The following IFFO2 variants were observed in gnomAD, a reference collection of about 807,000 sequenced individuals.
The protein encoded by IFFO2 is intermediate filament family orphan 2.
In IFFO2, 19 loss-of-function variants were observed where a neutral mutation model predicts 53.5. The ratio of observed to expected loss-of-function variants is 0.36; its 90% CI spans 0.25 to 0.52. The LOEUF (loss-of-function observed/expected upper bound fraction) is 0.52. Ranked by LOEUF, IFFO2 falls within the 20% of genes least tolerant of loss-of-function variation. IFFO2 has a pLI of 0.94. For synonymous variants in IFFO2, 303 were observed against 313.6 expected, an observed-to-expected ratio of 0.97 and a Z score of 0.36; for missense variants, 570 against 727.4, an observed-to-expected ratio of 0.78 and a Z score of 2.49.
chr1:18,910,781 T>C (rs2024725), intron 7 of IFFO2, among the ~76,000 whole-genome samples: 10,201 of 152,316 alleles, frequency 0.067, 556 homozygotes, highest in African/African-American at 0.13. Flanking sequence ...TATCCAGACC[T>C]GATTACAAAA....
At chr1:18,950,004 G>C (rs1321452357) in intron 1 of IFFO2, among the ~76,000 whole-genome samples, 1 of 152,172 alleles carries the variant, frequency 6.6e-6, no homozygotes, top group African/African-American at 2.4e-5. Flanking sequence ...TCCCAAATTT[G>C]TCCCCAGTGA....
rs1231304461 is a variant in IFFO2 at position 18,917,455 on chromosome 1, T to C, written c.964-413A>G. Among the ~76,000 whole-genome samples the C allele has an allele frequency of 1.3e-5, 2 of 152,074 alleles. No individual in the cohort carries two copies. The highest frequency in any genetic ancestry group is 1.5e-5 in the Non-Finnish European group (1 of 68,006). On this transcript the variant is annotated intron_variant, in intron 4 of 8. Transcript: ENST00000455833. The surrounding 1 kb of genome is among the most constrained non-coding windows in gnomAD (Gnocchi z 5.9). ...GCTGACCAGAGCCCTCCTGCTCACA[T>C]GCAAAGGCAAAGGACAGACGGCCCA...
rs961157651 is a variant in IFFO2, at chr1:18,910,272, C to A, written c.1448+70G>T. On this transcript the variant is annotated intron_variant, in intron 8 of 8. Coordinates refer to ENST00000455833, the MANE Select transcript of IFFO2 (RefSeq NM_001136265.2). ...ACAGGTTGGGAGCATGACACATGGC[C>A]GAGTTGCAGCCTTGGGAATTCCCCT... The A allele has an allele frequency of 5.2e-6, 8 of 1,528,738 alleles. No individual in the cohort carries two copies. The African/African-American group carries it at 9.6e-5, about 18-fold the overall frequency. 94.7% of individuals were successfully genotyped at this position (1,528,738 alleles called of 1,614,324 possible).
intron 5 of IFFO2, 149 bp from the exon 6 acceptor site, chr1:18,912,232 C>T (rs906067649): frequency 1.4e-5 from 12 of 832,972 alleles, no homozygotes; most frequent in East Asian, 1.1e-4. Flanking sequence ...AGGGGACATT[C>T]GCCTTATCCA....
intron 1 of IFFO2, among the ~76,000 whole-genome samples, chr1:18,944,623 C>T (rs920022885): frequency 6.6e-6 from 1 of 152,226 alleles, no homozygotes; most frequent in Admixed American, 6.5e-5. Context: ...GGGCCCGCCA[C>T]AGGCAGGGCA....
intron 2 of IFFO2, among the ~76,000 whole-genome samples, chr1:18,920,805 C>T (rs1936205659): frequency 6.6e-6 from 1 of 152,218 alleles, no homozygotes; most frequent in African/African-American, 2.4e-5. Flanking sequence ...GGGACTTGCA[C>T]CCCGGGACCT....
chr1:18,932,818 C>T (rs919760685), intron 1 of IFFO2, among the ~76,000 whole-genome samples: 1 of 152,150 alleles, frequency 6.6e-6, no homozygotes, highest in African/African-American at 2.4e-5. Flanking sequence ...CAATGCTCGG[C>T]AACACACCGA....
intron 8 of IFFO2, among the ~76,000 whole-genome samples, chr1:18,909,343 G>A (rs1022563114): frequency 2.0e-5 from 3 of 152,206 alleles, no homozygotes; most frequent in Non-Finnish European, 2.9e-5. Flanking sequence ...GCTGTCCCCC[G>A]ATAAGGCTGT....
In IFFO2 at chr1:18,956,240, GCCGCCGCCCCCGCCAGGGCAGCCC is replaced by G. The variant is rs1450175034; in HGVS notation, c.69_92del (p.Cys25_Gly32del). On this transcript the variant is annotated inframe_deletion, in exon 1 of 9. Transcript: ENST00000455833. This position sits in a 1 kb window ranked among gnomAD's most constrained non-coding sequence, Gnocchi z 6.4. ...ACGGACCCGGCCCTGCCCCGCCGCCGCCGCCGCCCCCGCCAGGGCAGCCCCCGCCGCCGCCGCCCGGCGGGCAGC... is the reference window on the plus strand; with the variant it reads ...ACGGACCCGGCCCTGCCCCGCCGCCGCCGCCGCCGCCGCCCGGCGGGCAGC... 8.3e-7 allele frequency: 1 copy of G among 1,200,024 alleles called. No homozygotes were observed. 74.3% of individuals were successfully genotyped at this position (1,200,024 alleles called of 1,614,324 possible). A position where few individuals can be genotyped will look rare whatever the true frequency, so the allele number is the denominator to read the frequency against.
chr1:18,940,609 A>C lies in IFFO2; in HGVS notation c.665+15059T>G, dbSNP rs564228827. 1.1e-4 allele frequency among the ~76,000 whole-genome samples: 17 copies of C among 151,996 alleles called. No individual in the cohort carries two copies. In the East Asian group the frequency reaches 1.9e-3, roughly 17 times the overall value. ...GATGGATGGATGGATGGATGGATGG[A>C]CAGACGGACGGACAGACGGATGGAA... On this transcript the variant is annotated intron_variant, in intron 1 of 8. Coordinates refer to ENST00000455833, the MANE Select transcript of IFFO2 (RefSeq NM_001136265.2).
In IFFO2 at chr1:18,916,873, G is replaced by C; in HGVS notation, c.1103+30C>G. On this transcript the variant is annotated intron_variant, in intron 5 of 8. Coordinates refer to ENST00000455833, the MANE Select transcript of IFFO2 (RefSeq NM_001136265.2). The surrounding 1 kb of genome is among the most constrained non-coding windows in gnomAD (Gnocchi z 4.3). The stretch of plus-strand genomic sequence containing the variant: ...CCCTGTGCAAGCAATCCGGGGAAAC[G>C]GAGAGTGTGCGGGCCACGGGGATAC... 2 of 1,550,462 alleles carry C rather than the reference G, an allele frequency of 1.3e-6. No individual in the cohort carries two copies. The highest frequency in any genetic ancestry group is 1.7e-6 in the Non-Finnish European group (2 of 1,146,040).
In IFFO2 at chr1:18,906,800, C is replaced by T. The variant is rs1052201782; in HGVS notation, c.*1761G>A. On this transcript the variant is annotated 3_prime_UTR_variant, in exon 9 of 9. Transcript: ENST00000455833. Reference sequence around the variant, plus strand: ...CACAGCCAGACTGCCACAGGGGACCCGTGGGAGGTGCCCCCAGCAAAAGAA... The same window carrying T: ...CACAGCCAGACTGCCACAGGGGACCTGTGGGAGGTGCCCCCAGCAAAAGAA... 2 of 152,120 alleles carry T rather than the reference C, an allele frequency of 1.3e-5. No individual in the cohort carries two copies. Among genetic ancestry groups the T allele is most frequent in the Non-Finnish European group, 2.9e-5 (2 of 68,008 alleles). The allele number at this position is 152,120 out of a possible 1,614,324, so 9.4% of individuals were successfully genotyped here. A position where few individuals can be genotyped will look rare whatever the true frequency, so the allele number is the denominator to read the frequency against.
rs1185139339 is a variant in IFFO2 at position 18,905,942 on chromosome 1, C to T, written c.*2619G>A. On this transcript the variant is annotated 3_prime_UTR_variant, in exon 9 of 9. Coordinates refer to ENST00000455833, the MANE Select transcript of IFFO2 (RefSeq NM_001136265.2). ...CAAAGGATGGACCAATTCGTCCCAG[C>T]TAGGACTGGTGCTGCCCCAGCGAGC... The T allele has an allele frequency of 6.6e-6, 1 of 152,272 alleles. No individual in the cohort carries two copies. The highest frequency in any genetic ancestry group is 1.9e-4 in the East Asian group (1 of 5,198). The allele number at this position is 152,272 out of a possible 1,614,324, so 9.4% of individuals were successfully genotyped here.
At position 18,916,036 on chromosome 1, in the gene IFFO2, A is replaced by G. The variant is rs1401307055; in HGVS notation, c.1103+867T>C. On this transcript the variant is annotated intron_variant, in intron 5 of 8. Transcript: ENST00000455833. This position sits in a 1 kb window ranked among gnomAD's most constrained non-coding sequence, Gnocchi z 4.3. Reference sequence around the variant, plus strand: ...GCTACTTGGGAGGCTGAGGCAGGAGAAACACTGGAACCCGGGAGGCAGAGG... The same window carrying G: ...GCTACTTGGGAGGCTGAGGCAGGAGGAACACTGGAACCCGGGAGGCAGAGG... 1.3e-5 allele frequency among the ~76,000 whole-genome samples: 2 copies of G among 151,808 alleles called. No homozygotes were observed. The highest frequency in any genetic ancestry group is 1.5e-5 in the Non-Finnish European group (1 of 67,926).
chr1:18,923,221 T>C (rs985787349), intron 1 of IFFO2, among the ~76,000 whole-genome samples: 1 of 152,172 alleles, frequency 6.6e-6, no homozygotes, highest in African/African-American at 2.4e-5. Context: ...GGCTCCTCCC[T>C]TGGACGCAGG....
chr1:18,933,418 G>C (rs949875233), intron 1 of IFFO2, among the ~76,000 whole-genome samples: 1 of 152,258 alleles, frequency 6.6e-6, no homozygotes, highest in Admixed American at 6.5e-5. Context: ...CTTCAGCAGC[G>C]ACGTGGGTGG....
rs1351134446 is a variant in IFFO2, at chr1:18,905,357, C to T, written c.*3204G>A. The stretch of plus-strand genomic sequence containing the variant: ...TCCAGCAACAACATGCACCATGTCT[C>T]GTCCACAGGAAAATGCTGGGCTACC... On this transcript the variant is annotated 3_prime_UTR_variant, in exon 9 of 9. Transcript: ENST00000455833. 1 of 152,186 alleles carries T rather than the reference C, an allele frequency of 6.6e-6. No homozygotes were observed. Among genetic ancestry groups the T allele is most frequent in the Admixed American group, 6.5e-5 (1 of 15,284 alleles). 9.4% of individuals were successfully genotyped at this position (152,186 alleles called of 1,614,324 possible).
At chr1:18,946,272 T>C (rs983192982) in intron 1 of IFFO2, among the ~76,000 whole-genome samples, 25 of 152,208 alleles carry the variant, frequency 1.6e-4, no homozygotes, top group African/African-American at 5.8e-4. Context: ...ATTTATTACT[T>C]CCATTTCATA....
rs1450067184 is a variant in IFFO2 at position 18,905,450 on chromosome 1, A to C, written c.*3111T>G. The C allele has an allele frequency of 6.6e-6, 1 of 152,042 alleles. No individual in the cohort carries two copies. The highest frequency in any genetic ancestry group is 1.5e-5 in the Non-Finnish European group (1 of 67,994). 9.4% of individuals were successfully genotyped at this position (152,042 alleles called of 1,614,324 possible). A position where few individuals can be genotyped will look rare whatever the true frequency, so the allele number is the denominator to read the frequency against. On this transcript the variant is annotated 3_prime_UTR_variant, in exon 9 of 9. Transcript: ENST00000455833. ...AATAGATGAGAGTCTCTTGCTTTAT[A>C]AATAGATTACATTTAGCTTAAGTTA...
Sources: gnomAD v4.1 joint callset for allele counts (sites outside exome capture counted in the v4.1 genomes callset) on GRCh38, gnomAD v4.1.1 for gene constraint, Gnocchi (gnomAD v3.1) non-coding constraint, MANE v1.5 for transcripts, NCBI Gene and HGNC (gene_info 2026-07-23, HGNC 2026-07-21) for gene names.